Variants in CPS1 observed in about 807,000 individuals in gnomAD.
CPS1 encodes the protein carbamoyl-phosphate synthase 1.
Under a neutral mutation model 174.6 loss-of-function variants are expected in CPS1, and 109 were observed. The observed-to-expected ratio is 0.62, with a 90% CI of 0.53 to 0.73. The LOEUF is 0.73. Among genes scored for constraint, CPS1 ranks in the 30% least tolerant of loss-of-function variants. The probability of loss-of-function intolerance (pLI) is 0.00; values close to 1 mark genes in which losing one functional copy is unlikely to be tolerated. For missense variants in CPS1, 1,689 were observed against 1,821.9 expected, an observed-to-expected ratio of 0.93 and a Z score of 1.33; for synonymous variants, 637 against 632.0, an observed-to-expected ratio of 1.01 and a Z score of -0.12.
At chr2:210,645,944 A>G (rs1700364689) in intron 25 of CPS1, among the ~76,000 whole-genome samples, 1 of 152,180 alleles carries the variant, frequency 6.6e-6, no homozygotes. Flanking sequence ...AGTAGCAGCT[A>G]TTATCTTACT....
At chr2:210,657,791 G>A (rs1358106369) in intron 30 of CPS1, 1 of 152,210 alleles carries the variant, frequency 6.6e-6, no homozygotes, top group African/African-American at 2.4e-5. Context: ...AGAAGGTAGA[G>A]GTAGCAGGAT....
At chr2:210,600,795 T>C (rs1005242319) in intron 15 of CPS1, 83 bp downstream of exon 15, 26 of 1,417,470 alleles carry the variant, frequency 1.8e-5, no homozygotes, top group Non-Finnish European at 2.6e-5. Context: ...CTAATAATAA[T>C]AGTTAAGATT....
At chr2:210,548,603 T>A (rs994342121) in intron 1 of CPS1, among the ~76,000 whole-genome samples, 85 of 152,186 alleles carry the variant, frequency 5.6e-4, no homozygotes, top group Non-Finnish European at 1.1e-3. Context: ...GTTAGTAGTT[T>A]GTAGAATTCA....
chr2:210,492,883 A>G (rs1259456674), intron 1 of CPS1, among the ~76,000 whole-genome samples: 1 of 152,190 alleles, frequency 6.6e-6, no homozygotes, highest in Non-Finnish European at 1.5e-5. Context: ...AGTAATGTGT[A>G]TGCTTCTTAT....
chr2:210,637,362 G>T (rs1259142822), intron 21 of CPS1, among the ~76,000 whole-genome samples: 1 of 152,130 alleles, frequency 6.6e-6, no homozygotes, highest in Non-Finnish European at 1.5e-5. Flanking sequence ...AACTGAAAAA[G>T]GGCTCCTGGA....
chr2:210,671,634 G>A (rs1222022931), intron 34 of CPS1: 4 of 152,092 alleles, frequency 2.6e-5, no homozygotes, highest in Non-Finnish European at 4.4e-5. Context: ...ATTTCTTTTT[G>A]TAGAGAGGCT....
At chr2:210,490,914 A>C (rs879465473) in intron 1 of CPS1, among the ~76,000 whole-genome samples, 1 of 151,972 alleles carries the variant, frequency 6.6e-6, no homozygotes, top group African/African-American at 2.4e-5. Flanking sequence ...GCTTCAGAAG[A>C]CTCTTGTCTC....
intron 15 of CPS1, among the ~76,000 whole-genome samples, chr2:210,601,216 A>G (rs867532661): frequency 3.3e-5 from 5 of 152,040 alleles, no homozygotes; most frequent in Middle Eastern, 6.8e-3. Context: ...ATTTATTTCC[A>G]TTGCCCCTTA....
At chr2:210,605,618 A>G (rs1489799561) in intron 17 of CPS1, among the ~76,000 whole-genome samples, 1 of 151,932 alleles carries the variant, frequency 6.6e-6, no homozygotes, top group East Asian at 1.9e-4. Flanking sequence ...AATAATAGAA[A>G]TAAGTTTTTC....
At chr2:210,580,784 C>A (rs1003872680) in intron 5 of CPS1, among the ~76,000 whole-genome samples, 5 of 151,382 alleles carry the variant, frequency 3.3e-5, no homozygotes, top group African/African-American at 7.3e-5. Context: ...TCACTTGAAC[C>A]CGGGAGGCGG....
chr2:210,609,810 A>C (rs1052537929), intron 19 of CPS1, among the ~76,000 whole-genome samples: 2 of 151,934 alleles, frequency 1.3e-5, no homozygotes, highest in Non-Finnish European at 2.9e-5. Context: ...GCCATTTCAG[A>C]AATGCATGTC....
At chr2:210,665,774 C>T (rs12998821) in intron 33 of CPS1, among the ~76,000 whole-genome samples, 11,275 of 148,910 alleles carry the variant, frequency 0.076, 476 homozygotes, top group Middle Eastern at 0.099. Context: ...TGAATAGTGC[C>T]GTAATAAACA....
intron 20 of CPS1, among the ~76,000 whole-genome samples, chr2:210,612,907 A>G (rs1286606619): frequency 6.6e-6 from 1 of 151,926 alleles, no homozygotes; most frequent in Non-Finnish European, 1.5e-5. Context: ...TGCCATGTTA[A>G]TCTACTTTTA....
At chr2:210,580,173 G>T (rs975503915) in intron 5 of CPS1, among the ~76,000 whole-genome samples, 2 of 152,140 alleles carry the variant, frequency 1.3e-5, no homozygotes, top group Admixed American at 6.5e-5. Context: ...TCCAGGAAGT[G>T]TACAGCATTG....
chr2:210,503,198 G>A (rs1047975480), intron 1 of CPS1, among the ~76,000 whole-genome samples: 9 of 152,140 alleles, frequency 5.9e-5, no homozygotes, highest in African/African-American at 1.9e-4. Context: ...CCACTAGATG[G>A]CGCAGGCAAT....
rs1310037468 is a variant in CPS1 at position 210,674,785 on chromosome 2, T to C, written c.4102-117T>C. The stretch of plus-strand genomic sequence containing the variant: ...AAGGATAAAACTTGTCATTTTTTAA[T>C]ATAAAGCATCCGGCAACATGTAACA... On this transcript the variant is annotated intron_variant, in intron 34 of 37. Transcript: ENST00000233072. 29 of 864,830 alleles carry C rather than the reference T, an allele frequency of 3.4e-5. 1 individual carries two copies. Among genetic ancestry groups the C allele is most frequent in the South Asian group, 2.7e-4 (20 of 73,648 alleles). 53.6% of individuals were successfully genotyped at this position (864,830 alleles called of 1,614,324 possible).
chr2:210,600,456 C>T (rs767618876), intron 14 of CPS1, 99 bp from the exon 15 acceptor site: 96 of 1,228,596 alleles, frequency 7.8e-5, no homozygotes, highest in Admixed American at 1.3e-4. Context: ...GGTAACTTCT[C>T]GGATTTTAAG....
chr2:210,658,330 A>G (rs1470699134), intron 30 of CPS1: 3 of 392,652 alleles, frequency 7.6e-6, no homozygotes, highest in Non-Finnish European at 1.4e-5. Flanking sequence ...ACCAGGTTAT[A>G]TAATTGTAGG....
intron 1 of CPS1, among the ~76,000 whole-genome samples, chr2:210,571,642 TACATTGCAGA>T (rs1559082146): frequency 6.6e-6 from 1 of 152,020 alleles, no homozygotes; most frequent in African/African-American, 2.4e-5. Flanking sequence ...GACATTATTT[TACATTGCAGA>T]ACACAATCAT....
Sources: gnomAD v4.1 joint callset for allele counts (sites outside exome capture counted in the v4.1 genomes callset) on GRCh38, gnomAD v4.1.1 for gene constraint, MANE v1.5 for transcripts, NCBI Gene and HGNC (gene_info 2026-07-23, HGNC 2026-07-21) for gene names.